The following ANGPTL5 variants were observed in gnomAD, a reference collection of about 807,000 sequenced individuals.
The protein encoded by ANGPTL5 is angiopoietin like 5.
ANGPTL5 carries 34 observed loss-of-function variants against 39.4 expected under a neutral mutation model. That is an observed-to-expected ratio of 0.86 (90% confidence interval 0.66 to 1.15). The LOEUF (loss-of-function observed/expected upper bound fraction) is 1.15, where lower values mean the gene tolerates loss of function less well. Among genes scored for constraint, ANGPTL5 ranks in the 50% most tolerant of loss-of-function variants. The pLI, the probability that ANGPTL5 is intolerant of heterozygous loss-of-function variation, is 0.00. For missense variants in ANGPTL5, 467 were observed against 457.5 expected, an observed-to-expected ratio of 1.02 and a Z score of -0.19; for synonymous variants, 146 against 152.1, an observed-to-expected ratio of 0.96 and a Z score of 0.29.
At chr11:101,892,008 AC>A (rs767943284) in intron 8 of ANGPTL5, among the ~76,000 whole-genome samples, 11 of 152,160 alleles carry the variant, frequency 7.2e-5, no homozygotes, top group Non-Finnish European at 1.6e-4. Context: ...AGCTAGAGAA[AC>A]TTTTACCTTT....
At chr11:101,908,577 A>G (rs1329094689) in intron 1 of ANGPTL5, among the ~76,000 whole-genome samples, 1 of 152,028 alleles carries the variant, frequency 6.6e-6, no homozygotes, top group Non-Finnish European at 1.5e-5. Context: ...TCAGGAGTTC[A>G]AGACCAGCCT....
Position 101,900,541 on chromosome 11 carries a change from C to T in ANGPTL5, c.550G>A (p.Asp184Asn). 6.2e-7 allele frequency: 1 copy of T among 1,610,408 alleles called. No individual in the cohort carries two copies. Among genetic ancestry groups the T allele is most frequent in the Non-Finnish European group, 8.5e-7 (1 of 1,176,906 alleles). The stretch of plus-strand genomic sequence containing the variant: ...CGTCCACCTCCTCTGTAATCCATGT[C>T]ACACATTACCTAAAATAAGCACAGA... ...GSSYPFEVMC[D>N]MDYRGGGRTV... The change falls in exon 7 of 9, where the codon GAC becomes AAC. Residue 184 changes from aspartate to asparagine, a missense_variant. Physicochemically the swap from Asp to Asn is conservative, Grantham distance 23. Coordinates refer to ENST00000334289, the MANE Select transcript of ANGPTL5 (RefSeq NM_178127.5).
In ANGPTL5 at chr11:101,900,565, G is replaced by A. The variant is rs1348204803; in HGVS notation, c.541-15C>T. On this transcript the variant is annotated splice_polypyrimidine_tract_variant and intron_variant, in intron 6 of 8. Coordinates refer to ENST00000334289, the MANE Select transcript of ANGPTL5 (RefSeq NM_178127.5). The stretch of plus-strand genomic sequence containing the variant: ...TCACACATTACCTAAAATAAGCACA[G>A]AGAAGACCAAAATAATACACTATTA... 1 of 1,606,226 alleles carries A rather than the reference G, an allele frequency of 6.2e-7. No homozygotes were observed. Among genetic ancestry groups the A allele is most frequent in the East Asian group, 2.2e-5 (1 of 44,752 alleles).
Position 101,891,585 on chromosome 11 carries a change from C to A in ANGPTL5, c.861G>T (p.Arg287=). 2 of 1,613,714 alleles carry A rather than the reference C, an allele frequency of 1.2e-6. No homozygotes were observed. Among genetic ancestry groups the A allele is most frequent in the South Asian group, 2.2e-5 (2 of 91,010 alleles). ...RYSGNAGDAF[R]GLKKEDNQNA... ...TTTGATTATCTTCTTTTTTGAGACCCCGGAATGCATCACCTGGGAAAAAAA... is the reference window on the plus strand; with the variant it reads ...TTTGATTATCTTCTTTTTTGAGACCACGGAATGCATCACCTGGGAAAAAAA... The change falls in exon 9 of 9, where the codon CGG becomes CGT. Residue 287 remains arginine (R), a synonymous_variant. Transcript: ENST00000334289.
intron 3 of ANGPTL5, among the ~76,000 whole-genome samples, chr11:101,906,279 T>C (rs202213287): frequency 6.6e-6 from 1 of 152,150 alleles, no homozygotes; most frequent in Non-Finnish European, 1.5e-5. Flanking sequence ...ATTTTTCTAT[T>C]AATACTATAT....
intron 6 of ANGPTL5, 32 bp from the exon 7 acceptor site, chr11:101,900,582 A>G: frequency 1.9e-6 from 3 of 1,599,454 alleles, no homozygotes; most frequent in Non-Finnish European, 1.7e-6. Flanking sequence ...CCAAAATAAT[A>G]CACTATTATT....
At chr11:101,892,722 T>C (rs1939724965) in intron 8 of ANGPTL5, among the ~76,000 whole-genome samples, 1 of 152,226 alleles carries the variant, frequency 6.6e-6, no homozygotes, top group African/African-American at 2.4e-5. Context: ...CTTTGGCTAA[T>C]GTTTGAAACA....
intron 6 of ANGPTL5, among the ~76,000 whole-genome samples, chr11:101,901,623 A>G (rs1395125630): frequency 6.6e-6 from 1 of 152,174 alleles, no homozygotes; most frequent in African/African-American, 2.4e-5. Flanking sequence ...CCCACAAAAG[A>G]GGTGATTATG....
intron 1 of ANGPTL5, among the ~76,000 whole-genome samples, chr11:101,911,118 TTTTTTTTTTTTTTTTTTTTTTTTG>T (rs1940085825): frequency 6.5e-5 from 6 of 91,606 alleles, no homozygotes; most frequent in South Asian, 3.9e-4. Flanking sequence ...TTTTTTTTTT[TTTTTTTTTTTTTTTTTTTTTTTTG>T]AGACAGAGCC....
chr11:101,904,011 A>G (rs1425465225), intron 5 of ANGPTL5, among the ~76,000 whole-genome samples: 1 of 152,156 alleles, frequency 6.6e-6, no homozygotes, highest in East Asian at 1.9e-4. Context: ...ATGAGAAAAC[A>G]TATCAAGAGA....
intron 1 of ANGPTL5, among the ~76,000 whole-genome samples, chr11:101,911,501 G>A (rs1293322043): frequency 6.6e-6 from 1 of 152,050 alleles, no homozygotes; most frequent in Non-Finnish European, 1.5e-5. Flanking sequence ...TGGATCATGG[G>A]GGCAGATATC....
chr11:101,896,272 T>C (rs1939792585), intron 7 of ANGPTL5, among the ~76,000 whole-genome samples: 1 of 150,714 alleles, frequency 6.6e-6, no homozygotes, highest in Non-Finnish European at 1.5e-5. Flanking sequence ...AACTTCCGCC[T>C]CCCCCCAGTT....
chr11:101,914,702 T>C (rs1464596834), intron 1 of ANGPTL5, among the ~76,000 whole-genome samples: 1 of 152,180 alleles, frequency 6.6e-6, no homozygotes, highest in Non-Finnish European at 1.5e-5. Context: ...CAACTCCAAA[T>C]TGTCCCCCAG....
At chr11:101,905,400 CTTACCCAACCTTTATGATTTT>C (rs537294442) in intron 4 of ANGPTL5, among the ~76,000 whole-genome samples, 81 of 152,334 alleles carry the variant, frequency 5.3e-4, no homozygotes, top group African/African-American at 1.9e-3. Flanking sequence ...TCCTCTTCGC[CTTACCCAACCTTTATGATTTT>C]TAAAACATTT....
At chr11:101,909,992 A>G (rs960328954) in intron 1 of ANGPTL5, among the ~76,000 whole-genome samples, 2 of 152,218 alleles carry the variant, frequency 1.3e-5, no homozygotes, top group Non-Finnish European at 2.9e-5. Context: ...TCTGTGTCCA[A>G]CAAAATCTTG....
At chr11:101,914,986 T>G (rs1298614141) in intron 1 of ANGPTL5, 1 of 352,912 alleles carries the variant, frequency 2.8e-6, no homozygotes, top group African/African-American at 2.1e-5. Flanking sequence ...CTGTAGCTCC[T>G]CCCAGGTTTC....
chr11:101,903,674 T>C (rs986718311), intron 5 of ANGPTL5, among the ~76,000 whole-genome samples: 10 of 152,302 alleles, frequency 6.6e-5, no homozygotes, highest in African/African-American at 2.4e-4. Context: ...TCCTTAATTG[T>C]TAAGAGATAT....
At chr11:101,915,642 C>T (rs1349069447) in intron 1 of ANGPTL5, among the ~76,000 whole-genome samples, 1 of 152,178 alleles carries the variant, frequency 6.6e-6, no homozygotes, top group Non-Finnish European at 1.5e-5. Context: ...TACTCCCATT[C>T]TTCAACTTTG....
chr11:101,905,777 C>T lies in ANGPTL5; in HGVS notation c.312G>A (p.Glu104=), dbSNP rs756943750. 3.7e-6 allele frequency: 6 copies of T among 1,611,870 alleles called. No homozygotes were observed. Among genetic ancestry groups the T allele is most frequent in the Non-Finnish European group, 5.1e-6 (6 of 1,178,688 alleles). ...TKKLLRNMMD[E]QQASLDYLSN... Reference sequence around the variant, plus strand: ...ATAAATAATCCAAGGAAGCTTGTTGCTCATCCATCATATTCCTTAGTAGTT... The same window carrying T: ...ATAAATAATCCAAGGAAGCTTGTTGTTCATCCATCATATTCCTTAGTAGTT... The change falls in exon 4 of 9, where the codon GAG becomes GAA. Residue 104 remains glutamate (E), a synonymous_variant. Coordinates refer to ENST00000334289, the MANE Select transcript of ANGPTL5 (RefSeq NM_178127.5).
Sources: gnomAD v4.1 joint callset for allele counts (sites outside exome capture counted in the v4.1 genomes callset) on GRCh38, gnomAD v4.1.1 for gene constraint, MANE v1.5 for transcripts, NCBI Gene and HGNC (gene_info 2026-07-23, HGNC 2026-07-21) for gene names.